TNRC6A: variants seen among roughly 807,000 people sequenced by gnomAD.
TNRC6A encodes trinucleotide repeat-containing gene 6A protein.
Under a neutral mutation model 221.2 loss-of-function variants are expected in TNRC6A, and 44 were observed. The observed-to-expected ratio is 0.20, with a 90% CI of 0.16 to 0.26. TNRC6A has a LOEUF of 0.26. TNRC6A is among the 10% of genes least tolerant of loss of function. TNRC6A has a pLI of 1.00. For missense variants in TNRC6A, 2,199 were observed against 2,404.4 expected, an observed-to-expected ratio of 0.91 and a Z score of 1.79; for synonymous variants, 847 against 838.5, an observed-to-expected ratio of 1.01 and a Z score of -0.18.
chr16:24,761,161 G>A (rs116649212), intron 4 of TNRC6A, among the ~76,000 whole-genome samples: 1,780 of 152,248 alleles, frequency 0.012, 38 homozygotes, highest in African/African-American at 0.038. Context: ...TGGCTGTCAA[G>A]TACCAGAAAT....
chr16:24,789,761 A>C lies in TNRC6A; in HGVS notation c.1119A>C (p.Leu373Phe). 1 of 1,614,246 alleles carries C rather than the reference A, an allele frequency of 6.2e-7. No homozygotes were observed. The highest frequency in any genetic ancestry group is 8.5e-7 in the Non-Finnish European group (1 of 1,180,030). The change falls in exon 6 of 25, where the codon TTA becomes TTC. Residue 373 changes from leucine (L) to phenylalanine (F), a missense_variant. By Grantham distance (22) the Leu-to-Phe change is conservative. Transcript: ENST00000395799. Reference protein sequence around the residue: ...SASNHGAWPVLENNGLALKGP... With the variant: ...SASNHGAWPVFENNGLALKGP... Reference sequence around the variant, plus strand: ...GCAACCATGGTGCCTGGCCAGTATTAGAGAACAATGGACTTGCCCTAAAAG... The same window carrying C: ...GCAACCATGGTGCCTGGCCAGTATTCGAGAACAATGGACTTGCCCTAAAAG...
At chr16:24,815,715 C>A (rs559982967) in intron 19 of TNRC6A, 35 of 191,440 alleles carry the variant, frequency 1.8e-4, no homozygotes, top group Middle Eastern at 2.5e-3. Context: ...ATTAGCCAGG[C>A]GTGGTGGCGG....
At chr16:24,701,186 C>A (rs1194566944) in intron 2 of TNRC6A, among the ~76,000 whole-genome samples, 1 of 152,158 alleles carries the variant, frequency 6.6e-6, no homozygotes, top group Non-Finnish European at 1.5e-5. Context: ...TGGACTGAAG[C>A]AGAGATGACT....
chr16:24,776,815 A>G, intron 4 of TNRC6A, 118 bp from the exon 5 acceptor site: 2 of 1,504,676 alleles, frequency 1.3e-6, no homozygotes, highest in Non-Finnish European at 1.8e-6. Context: ...CCCTGCTCAC[A>G]GAAAGCTTCT....
At chr16:24,797,888 C>G in intron 10 of TNRC6A, 27 bp from the exon 11 acceptor site, 1 of 1,592,434 alleles carries the variant, frequency 6.3e-7, no homozygotes, top group Non-Finnish European at 8.6e-7. Context: ...TTAAGGTCTG[C>G]TAACATGCTG....
At chr16:24,817,753 G>C (rs2058684042) in intron 20 of TNRC6A, among the ~76,000 whole-genome samples, 1 of 152,140 alleles carries the variant, frequency 6.6e-6, no homozygotes, top group Non-Finnish European at 1.5e-5. Flanking sequence ...TGTTGCGTTA[G>C]ACGTGTAATT....
rs573510153 is a variant in TNRC6A, at chr16:24,723,609, C to T, written n.403-27117C>T. Among the ~76,000 whole-genome samples, 12 of 140,586 alleles carry T rather than the reference C, an allele frequency of 8.5e-5. No homozygotes were observed. The East Asian group carries it at 2.4e-3, about 28-fold the overall frequency. The allele number at this position is 140,586 out of a possible 152,430, so 92.2% of individuals were successfully genotyped here. A position where few individuals can be genotyped will look rare whatever the true frequency, so the allele number is the denominator to read the frequency against. ...ACTCTGTCAAAAAAAAAAAAAAAGT[C>T]AGTGGCTAGAAGTTGTGGATGCTGG... is the stretch of plus-strand genomic sequence containing the variant. On this transcript the variant is annotated intron_variant and non_coding_transcript_variant, in intron 2 of 2. Coordinates refer to the TNRC6A transcript ENST00000566108.
At chr16:24,621,677 A>T (rs1299130543) in intron 1 of TNRC6A, among the ~76,000 whole-genome samples, 1 of 152,052 alleles carries the variant, frequency 6.6e-6, no homozygotes, top group Non-Finnish European at 1.5e-5. Flanking sequence ...TAGCTAGATC[A>T]TTGGTATATT....
intron 4 of TNRC6A, chr16:24,776,422 C>T: frequency 2.0e-6 from 2 of 985,370 alleles, no homozygotes; most frequent in Non-Finnish European, 2.4e-6. Context: ...GTTAACTTAG[C>T]CTTTTTGTAA....
chr16:24,805,415 C>T, intron 14 of TNRC6A, 190 bp from the exon 15 acceptor site: 1 of 909,968 alleles, frequency 1.1e-6, no homozygotes, highest in South Asian at 1.8e-5. Flanking sequence ...AGATGCACCT[C>T]TGTCATCTTT....
At chr16:24,676,090 C>A (rs75338549) in intron 2 of TNRC6A, among the ~76,000 whole-genome samples, 2 of 151,890 alleles carry the variant, frequency 1.3e-5, no homozygotes, top group South Asian at 4.2e-4. Flanking sequence ...CTGATAATGC[C>A]TCAGAATTCA....
chr16:24,785,881 C>G (rs776430727), intron 5 of TNRC6A, among the ~76,000 whole-genome samples: 12 of 152,102 alleles, frequency 7.9e-5, no homozygotes, highest in Non-Finnish European at 1.8e-4. Context: ...GCTGGACTGT[C>G]TTAGATTTGG....
In TNRC6A at chr16:24,822,943, C is replaced by A; in HGVS notation, c.5443C>A (p.Pro1815Thr). 2.5e-6 allele frequency: 4 copies of A among 1,614,256 alleles called. 1 individual carries two copies. In the Middle Eastern group the frequency reaches 6.6e-4, roughly 267 times the overall value. ...GCTGATCACATTCCACCTGAACCTC[C>A]CTCACGGAAATGCTCTGGTCCGCTA... ...GPLITFHLNL[P>T]HGNALVRYSS... Residue 1815 changes from proline to threonine, a missense_variant, in exon 24 of 25, where the codon CCT (proline) becomes ACT (threonine). Around this residue, in one of 8 missense-constraint regions of TNRC6A, gnomAD observed 27 missense variants for 66.0 expected, o/e 0.41. Transcript: ENST00000395799.
chr16:24,818,550 C>A, intron 20 of TNRC6A, 43 bp from the exon 21 acceptor site: 2 of 1,516,470 alleles, frequency 1.3e-6, no homozygotes, highest in Non-Finnish European at 1.8e-6. Context: ...TGAACCTCCA[C>A]GTCCCTTGCT....
At chr16:24,674,771 A>G (rs2055375277) in intron 2 of TNRC6A, among the ~76,000 whole-genome samples, 3 of 151,684 alleles carry the variant, frequency 2.0e-5, no homozygotes, top group Admixed American at 6.6e-5. Flanking sequence ...CATGTGACGT[A>G]AACTTTTCTT....
At chr16:24,649,027 T>C (rs1902470694) in intron 2 of TNRC6A, among the ~76,000 whole-genome samples, 2 of 152,082 alleles carry the variant, frequency 1.3e-5, no homozygotes, top group South Asian at 4.2e-4. Flanking sequence ...ACGGCTGTAA[T>C]CTCAACACTT....
intron 2 of TNRC6A, chr16:24,663,675 C>T (rs1463245516): frequency 3.1e-6 from 1 of 327,320 alleles, no homozygotes; most frequent in African/African-American, 2.2e-5. Context: ...TTAAGTCTCC[C>T]AGCAATGATG....
chr16:24,688,467 A>G (rs188378080), intron 2 of TNRC6A, among the ~76,000 whole-genome samples: 35 of 152,240 alleles, frequency 2.3e-4, no homozygotes, highest in African/African-American at 8.2e-4. Context: ...GAAGCAGGAA[A>G]AGTGTGGAGT....
intron 2 of TNRC6A, among the ~76,000 whole-genome samples, chr16:24,642,750 G>A (rs1329248517): frequency 1.3e-5 from 2 of 152,064 alleles, no homozygotes; most frequent in Admixed American, 1.3e-4. Flanking sequence ...AACCCGGAAG[G>A]TGGAGGTTGC....
Sources: allele counts gnomAD v4.1 joint callset (sites outside exome capture counted in the v4.1 genomes callset), GRCh38; gene constraint gnomAD v4.1.1; regional missense constraint gnomAD v4.1.1; transcripts MANE v1.5; gene names NCBI Gene and HGNC (gene_info 2026-07-23, HGNC 2026-07-21).